Variants in NUDT3 observed in about 807,000 individuals in gnomAD.
The protein encoded by NUDT3 is diphosphoinositol polyphosphate phosphohydrolase 1.
A neutral mutation model predicts 23.6 loss-of-function variants in NUDT3; 9 were observed. The observed-to-expected ratio is 0.38, with a 90% CI of 0.23 to 0.66. The LOEUF is 0.66. NUDT3 is among the 30% of genes least tolerant of loss of function. NUDT3 has a pLI of 0.52. For missense variants in NUDT3, 172 were observed against 218.5 expected (o/e 0.79, Z 1.34); for synonymous variants, 86 against 82.6 (o/e 1.04, Z -0.22).
At chr6:34,360,429 C>T (rs957751603) in intron 1 of NUDT3, among the ~76,000 whole-genome samples, 1 of 151,920 alleles carries the variant, frequency 6.6e-6, no homozygotes, top group Non-Finnish European at 1.5e-5. Flanking sequence ...CAAAAATTAG[C>T]CAGGCATGGT....
At chr6:34,374,039 C>T (rs1197839970) in intron 1 of NUDT3, among the ~76,000 whole-genome samples, 1 of 151,568 alleles carries the variant, frequency 6.6e-6, no homozygotes, top group Non-Finnish European at 1.5e-5. Flanking sequence ...CACCTGTAGT[C>T]CCAGCTACTT....
intron 2 of NUDT3, among the ~76,000 whole-genome samples, chr6:34,319,038 G>A (rs1260888047): frequency 2.9e-5 from 4 of 138,608 alleles, no homozygotes; most frequent in Non-Finnish European, 3.1e-5. Flanking sequence ...AGCTGGGACA[G>A]TAAAAAAAAA....
Position 34,323,482 on chromosome 6 carries a change from G to C in NUDT3, c.210+18380C>G, listed in dbSNP as rs11966809. On this transcript the variant is annotated intron_variant, in intron 2 of 4. Transcript: ENST00000607016. The stretch of plus-strand genomic sequence containing the variant: ...CTCAGGAGGTTAACGTGGGAGGACT[G>C]CTTGAGCCTGGGCGGTAGACGTGAC... 3.3e-3 allele frequency among the ~76,000 whole-genome samples: 499 copies of C among 152,224 alleles called. 1 individual carries two copies. Among genetic ancestry groups the C allele is most frequent in the African/African-American group, 0.01 (416 of 41,522 alleles).
intron 2 of NUDT3, among the ~76,000 whole-genome samples, chr6:34,318,925 C>T (rs1763899608): frequency 6.6e-6 from 1 of 151,614 alleles, no homozygotes; most frequent in Non-Finnish European, 1.5e-5. Context: ...AGTGAAAGTG[C>T]TAGGGTGAGA....
chr6:34,384,473 G>A (rs762949840), intron 1 of NUDT3, among the ~76,000 whole-genome samples: 1 of 152,134 alleles, frequency 6.6e-6, no homozygotes. Flanking sequence ...GTCATTTGTT[G>A]TATGTTCTGT....
Position 34,295,568 on chromosome 6 carries a change from G to A in NUDT3, c.255+73C>T, listed in dbSNP as rs1050592535. 6.0e-6 allele frequency: 9 copies of A among 1,495,970 alleles called. No homozygotes were observed. In the Admixed American group the frequency reaches 1.1e-4, roughly 18 times the overall value. 92.7% of individuals were successfully genotyped at this position (1,495,970 alleles called of 1,614,324 possible). Reference sequence around the variant, plus strand: ...AAAAAAACTCGCTGAAACAGAAATGGCATTTTTCCTATGTTAATATCTGTG... The same window carrying A: ...AAAAAAACTCGCTGAAACAGAAATGACATTTTTCCTATGTTAATATCTGTG... On this transcript the variant is annotated intron_variant, in intron 3 of 4. Transcript: ENST00000607016.
At chr6:34,349,325 T>C (rs1764430898) in intron 1 of NUDT3, among the ~76,000 whole-genome samples, 2 of 150,704 alleles carry the variant, frequency 1.3e-5, no homozygotes, top group Admixed American at 6.6e-5. Flanking sequence ...GAAAGAAGAG[T>C]CTATAAGACC....
chr6:34,377,504 A>G (rs985522320), intron 1 of NUDT3, among the ~76,000 whole-genome samples: 1 of 152,198 alleles, frequency 6.6e-6, no homozygotes, highest in African/African-American at 2.4e-5. Context: ...ACATTCTCAA[A>G]TATTATTTAG....
intron 2 of NUDT3, among the ~76,000 whole-genome samples, chr6:34,328,993 C>A (rs1764084889): frequency 6.6e-6 from 1 of 152,136 alleles, no homozygotes; most frequent in Non-Finnish European, 1.5e-5. Flanking sequence ...TCATACTGTG[C>A]CTTCACTTTT....
At chr6:34,326,686 T>C (rs537694867) in intron 2 of NUDT3, among the ~76,000 whole-genome samples, 102 of 152,012 alleles carry the variant, frequency 6.7e-4, no homozygotes, top group African/African-American at 2.3e-3. Flanking sequence ...CTGCAACCTC[T>C]GCCTCCTAGG....
At chr6:34,333,356 T>A (rs1309999642) in intron 2 of NUDT3, among the ~76,000 whole-genome samples, 1 of 152,228 alleles carries the variant, frequency 6.6e-6, no homozygotes, top group Non-Finnish European at 1.5e-5. Context: ...AATGCCATGA[T>A]AAACTACTGA....
chr6:34,338,018 C>T (rs1764233429), intron 2 of NUDT3, among the ~76,000 whole-genome samples: 1 of 152,214 alleles, frequency 6.6e-6, no homozygotes, highest in African/African-American at 2.4e-5. Flanking sequence ...CTTATTTGAA[C>T]AGTCAAACTC....
chr6:34,365,241 C>T (rs963955062), intron 1 of NUDT3, among the ~76,000 whole-genome samples: 2 of 151,542 alleles, frequency 1.3e-5, no homozygotes, highest in African/African-American at 4.8e-5. Flanking sequence ...ACCAGCCTGG[C>T]CAACATGATG....
chr6:34,392,311 T>C lies in NUDT3; in HGVS notation c.52A>G (p.Lys18Glu). The part of the protein sequence containing the change: ...QTRTYDGDGY[K>E]KRAACLCFRS... The stretch of plus-strand genomic sequence containing the variant: ...AAACACAGGCATGCGGCCCGCTTCT[T>C]GTAGCCGTCGCCGTCGTAGGTGCGG... Residue 18 changes from lysine (K) to glutamate (E), a missense_variant, in exon 1 of 5, where the codon AAG becomes GAG. Physicochemically the swap from Lys to Glu is moderately conservative, Grantham distance 56. Transcript: ENST00000607016. 6.2e-7 allele frequency: 1 copy of C among 1,606,280 alleles called. No individual in the cohort carries two copies. Among genetic ancestry groups the C allele is most frequent in the Non-Finnish European group, 8.5e-7 (1 of 1,177,564 alleles).
Position 34,330,963 on chromosome 6 carries a change from T to C in NUDT3, c.210+10899A>G, listed in dbSNP as rs560921191. 2.0e-5 allele frequency among the ~76,000 whole-genome samples: 3 copies of C among 152,274 alleles called. No homozygotes were observed. The South Asian group carries it at 6.2e-4, about 32-fold the overall frequency. ...TCTGCTTTCCAGGTTCAAGCAATTC[T>C]CCTGCCTCAGCCTCCTGAGTAGCTG... On this transcript the variant is annotated intron_variant, in intron 2 of 4. Transcript: ENST00000607016.
intron 2 of NUDT3, among the ~76,000 whole-genome samples, chr6:34,332,190 A>C (rs767853715): frequency 1.2e-4 from 19 of 152,140 alleles, no homozygotes; most frequent in Non-Finnish European, 2.8e-4. Context: ...TCTACTACTG[A>C]CCAGCAGCCT....
intron 1 of NUDT3, among the ~76,000 whole-genome samples, chr6:34,355,345 G>A (rs1171239402): frequency 1.3e-5 from 2 of 151,970 alleles, no homozygotes; most frequent in African/African-American, 4.8e-5. Context: ...GTTTTTAAAT[G>A]TTAAACCAGC....
chr6:34,314,675 G>A (rs141153494), intron 2 of NUDT3, among the ~76,000 whole-genome samples: 209 of 152,162 alleles, frequency 1.4e-3, no homozygotes, highest in African/African-American at 4.5e-3. Context: ...TCCTAACAAC[G>A]GTAATAGGGT....
intron 2 of NUDT3, among the ~76,000 whole-genome samples, chr6:34,325,422 G>A (rs916083447): frequency 7.2e-5 from 11 of 152,072 alleles, no homozygotes; most frequent in Non-Finnish European, 1.5e-4. Context: ...TGTTGCCTAG[G>A]CTGGTCTCAA....
Sources: gnomAD v4.1 joint callset for allele counts (sites outside exome capture counted in the v4.1 genomes callset) on GRCh38, gnomAD v4.1.1 for gene constraint, MANE v1.5 for transcripts, NCBI Gene and HGNC (gene_info 2026-07-23, HGNC 2026-07-21) for gene names.